The following TRIM34 variants were observed in gnomAD, a reference collection of about 807,000 sequenced individuals.
TRIM34 encodes the protein E3 ubiquitin-protein ligase TRIM34.
A neutral mutation model predicts 38.1 loss-of-function variants in TRIM34; 41 were observed. The ratio of observed to expected loss-of-function variants is 1.08; its 90% CI spans 0.84 to 1.40. TRIM34 has a LOEUF of 1.40. Among genes scored for constraint, TRIM34 ranks in the 40% most tolerant of loss-of-function variants. TRIM34 has a pLI of 0.00. For missense variants in TRIM34, 556 were observed against 571.4 expected, an observed-to-expected ratio of 0.97 and a Z score of 0.27; for synonymous variants, 200 against 202.5, an observed-to-expected ratio of 0.99 and a Z score of 0.10.
chr11:5,643,621 C>A lies in TRIM34; in HGVS notation c.1379C>A (p.Ser460Tyr), dbSNP rs139662863. Reference protein sequence around the residue: ...TSHGSLIYKFSKCCFSQPVYP... With the variant: ...TSHGSLIYKFYKCCFSQPVYP... ...CATGGCTCCCTCATTTACAAGTTCT[C>A]TAAATGTTGCTTTTCTCAGCCTGTT... Residue 460 changes from serine to tyrosine, a missense_variant, in exon 8 of 8, where the codon TCT becomes TAT. By Grantham distance (144) the Ser-to-Tyr change is moderately radical (BLOSUM62 -2). Transcript: ENST00000429814. 27 of 1,614,012 alleles carry A rather than the reference C, an allele frequency of 1.7e-5. No homozygotes were observed. Among genetic ancestry groups the A allele is most frequent in the African/African-American group, 2.7e-5 (2 of 74,920 alleles).
At position 5,632,237 on chromosome 11, in the gene TRIM34, C is replaced by T. The variant is rs1169465119; in HGVS notation, c.-77-18C>T. ...TTATTTGTACCATTCTTATACCATC[C>T]CCTTTCAATCTTCTCAGCCATCCAG... On this transcript the variant is annotated intron_variant, in intron 1 of 7. Transcript: ENST00000429814. The T allele has an allele frequency of 1.3e-6, 2 of 1,577,946 alleles. No homozygotes were observed. Among genetic ancestry groups the T allele is most frequent in the Non-Finnish European group, 1.7e-6 (2 of 1,165,964 alleles).
chr11:5,627,931 A>C (rs1427135370), intron 1 of TRIM34, among the ~76,000 whole-genome samples: 2 of 152,196 alleles, frequency 1.3e-5, no homozygotes, highest in Non-Finnish European at 2.9e-5. Context: ...TCATATCCAG[A>C]TGTTAGGAGT....
In TRIM34 at chr11:5,641,208, G is replaced by C; in HGVS notation, c.773+19G>C. The C allele has an allele frequency of 6.2e-7, 1 of 1,613,900 alleles. No individual in the cohort carries two copies. Among genetic ancestry groups the C allele is most frequent in the Non-Finnish European group, 8.5e-7 (1 of 1,179,958 alleles). ...TGAAATGGTGCGTATGGGTGGCCAGGAGTGGTGCTTGTGAGTTATAAAGAA... is the reference window on the plus strand; with the variant it reads ...TGAAATGGTGCGTATGGGTGGCCAGCAGTGGTGCTTGTGAGTTATAAAGAA... On this transcript the variant is annotated intron_variant, in intron 5 of 7. Coordinates refer to ENST00000429814, the MANE Select transcript of TRIM34 (RefSeq NM_021616.6).
At chr11:5,641,693 T>C (rs1850019424) in intron 5 of TRIM34, among the ~76,000 whole-genome samples, 1 of 152,218 alleles carries the variant, frequency 6.6e-6, no homozygotes, top group Non-Finnish European at 1.5e-5. Context: ...GCTGTGACTC[T>C]GGTGATGATA....
chr11:5,623,081 G>C (rs1313095552), upstream of TRIM34, among the ~76,000 whole-genome samples: 1 of 151,134 alleles, frequency 6.6e-6, no homozygotes, highest in African/African-American at 2.4e-5. Context: ...TGAGCAAAGG[G>C]GTGACTTTGA....
At chr11:5,630,210 T>C (rs1055421451) in intron 1 of TRIM34, among the ~76,000 whole-genome samples, 7 of 152,136 alleles carry the variant, frequency 4.6e-5, no homozygotes, top group East Asian at 1.9e-4. Context: ...CCAAAAAGAA[T>C]AAAAATAAAA....
At position 5,643,565 on chromosome 11, in the gene TRIM34, A is replaced by T; in HGVS notation, c.1323A>T (p.Ala441=). The T allele has an allele frequency of 6.2e-7, 1 of 1,614,200 alleles. No homozygotes were observed. Among genetic ancestry groups the T allele is most frequent in the East Asian group, 2.2e-5 (1 of 44,884 alleles). ...CRVGVFLDYE[A]GIVSFFNVTS... ...TTGGGGTTTTCCTCGACTATGAAGC[A>T]GGCATTGTCTCATTTTTCAATGTCA... Residue 441 remains alanine, a synonymous_variant, in exon 8 of 8, where the codon GCA becomes GCT. Coordinates refer to ENST00000429814, the MANE Select transcript of TRIM34 (RefSeq NM_021616.6).
rs7123423 is a variant in TRIM34, at chr11:5,640,005, T to C, written c.751-1162T>C. On this transcript the variant is annotated intron_variant, in intron 4 of 7. Transcript: ENST00000429814. ...CAACATTCAGATTATACTATTTTAATTATTTTAAATGCATAATAAATTATT... is the reference window on the plus strand; with the variant it reads ...CAACATTCAGATTATACTATTTTAACTATTTTAAATGCATAATAAATTATT... Among the ~76,000 whole-genome samples the C allele has an allele frequency of 8.3e-3, 1,262 of 152,340 alleles. 8 individuals are homozygous for C. The highest frequency in any genetic ancestry group is 0.025 in the African/African-American group (1,035 of 41,584).
intron 4 of TRIM34, among the ~76,000 whole-genome samples, chr11:5,637,381 T>C (rs1258943347): frequency 6.7e-6 from 1 of 149,858 alleles, no homozygotes; most frequent in Non-Finnish European, 1.5e-5. Flanking sequence ...CAAAGAACGA[T>C]CTAGACAGAA....
intron 4 of TRIM34, among the ~76,000 whole-genome samples, chr11:5,637,738 CCCATT>C (rs758522581): frequency 2.0e-5 from 3 of 152,142 alleles, no homozygotes; most frequent in Non-Finnish European, 4.4e-5. Flanking sequence ...AAAACAGCTC[CCCATT>C]CCCTTTGGTC....
At chr11:5,623,786 A>C (rs1849089852), upstream of TRIM34, among the ~76,000 whole-genome samples, 1 of 152,184 alleles carries the variant, frequency 6.6e-6, no homozygotes, top group South Asian at 2.1e-4. Context: ...TTGGATGTGG[A>C]TACATTTTTG....
At position 5,641,178 on chromosome 11, in the gene TRIM34, A is replaced by G. The variant is rs1313159084; in HGVS notation, c.762A>G (p.Gly254=). ...STMELLQDMS[G]IMKWSEIWRL... The stretch of plus-strand genomic sequence containing the variant: ...TCTTTTCTTTCTAGGACATGAGTGG[A>G]ATCATGAAATGGTGCGTATGGGTGG... Residue 254 remains glycine, a synonymous_variant, in exon 5 of 8, where the codon GGA becomes GGG. Coordinates refer to ENST00000429814, the MANE Select transcript of TRIM34 (RefSeq NM_021616.6). 1 of 1,613,670 alleles carries G rather than the reference A, an allele frequency of 6.2e-7. No individual in the cohort carries two copies. The highest frequency in any genetic ancestry group is 1.7e-5 in the Admixed American group (1 of 59,966).
At chr11:5,636,259 A>G (rs1211878114) in intron 4 of TRIM34, among the ~76,000 whole-genome samples, 1 of 152,230 alleles carries the variant, frequency 6.6e-6, no homozygotes, top group Non-Finnish European at 1.5e-5. Flanking sequence ...TATAATTGAA[A>G]GAAGGCAAAC....
chr11:5,642,285 C>T (rs1850045140), intron 5 of TRIM34, 121 bp from the exon 6 acceptor site: 3 of 821,728 alleles, frequency 3.7e-6, no homozygotes, highest in East Asian at 2.6e-5. Context: ...TCTCCCCCTC[C>T]TCAGGCTCAG....
chr11:5,639,846 G>T lies in TRIM34; in HGVS notation c.751-1321G>T, dbSNP rs1244569416. ...GCTTTTTTAAAAATTAGTTTTTATT[G>T]GTACTTAATAAGTATACATATTTAT... On this transcript the variant is annotated intron_variant, in intron 4 of 7. Coordinates refer to ENST00000429814, the MANE Select transcript of TRIM34 (RefSeq NM_021616.6). Among the ~76,000 whole-genome samples, 2 of 151,838 alleles carry T rather than the reference G, an allele frequency of 1.3e-5. 1 individual carries two copies. Among genetic ancestry groups the T allele is most frequent in the African/African-American group, 4.8e-5 (2 of 41,416 alleles).
rs556191634 is a variant in TRIM34, at chr11:5,641,382, T to C, written c.773+193T>C. 8.0e-4 allele frequency: 1,069 copies of C among 1,339,302 alleles called. 7 individuals carry two copies. In the African/African-American group the frequency reaches 0.012, roughly 15 times the overall value. The allele number at this position is 1,339,302 out of a possible 1,614,324, so 83.0% of individuals were successfully genotyped here. A position where few individuals can be genotyped will look rare whatever the true frequency, so the allele number is the denominator to read the frequency against. ...ACTATTAATGGACTCGATCCTATGT[T>C]AGTAAATTCAGTGGTTGAAGTTCAG... On this transcript the variant is annotated intron_variant, in intron 5 of 7. Coordinates refer to ENST00000429814, the MANE Select transcript of TRIM34 (RefSeq NM_021616.6).
Position 5,632,282 on chromosome 11 carries a change from AGAG to A in TRIM34, c.-46_-44del. The A allele has an allele frequency of 1.2e-6, 2 of 1,612,170 alleles. No individual in the cohort carries two copies. The highest frequency in any genetic ancestry group is 1.7e-6 in the Non-Finnish European group (2 of 1,179,104). ...ATCCAGGGGTCTTTAACCAGAAGAGAGAGGAGAGCCTCAGGAGTTAGGACCAGA... is the reference window on the plus strand; with the variant it reads ...ATCCAGGGGTCTTTAACCAGAAGAGAGAGAGCCTCAGGAGTTAGGACCAGA... On this transcript the variant is annotated 5_prime_UTR_variant, in exon 2 of 8. Transcript: ENST00000429814.
intron 7 of TRIM34, 65 bp downstream of exon 7, chr11:5,642,908 T>C (rs1484830116): frequency 3.8e-6 from 6 of 1,596,542 alleles, no homozygotes; most frequent in Non-Finnish European, 5.1e-6. Flanking sequence ...ATGGTTTCAA[T>C]GATATCTTCT....
At chr11:5,635,025 G>A (rs1211687466) in intron 4 of TRIM34, among the ~76,000 whole-genome samples, 164 bp downstream of exon 4, 2 of 151,930 alleles carry the variant, frequency 1.3e-5, no homozygotes, top group African/African-American at 2.4e-5. Flanking sequence ...ATTAATTTAT[G>A]AAGTAAGGGA....
Sources: allele counts gnomAD v4.1 joint callset (sites outside exome capture counted in the v4.1 genomes callset), GRCh38; gene constraint gnomAD v4.1.1; transcripts MANE v1.5; gene names NCBI Gene and HGNC (gene_info 2026-07-23, HGNC 2026-07-21).